RAD54L2: variants seen among roughly 807,000 people sequenced by gnomAD.
RAD54L2 encodes helicase ARIP4.
In RAD54L2, 27 loss-of-function variants were observed where a neutral mutation model predicts 138.4. That is an observed-to-expected ratio of 0.20 (90% CI 0.14 to 0.27). The LOEUF is 0.27. Ranked by LOEUF, RAD54L2 falls within the 10% of genes least tolerant of loss-of-function variation. RAD54L2 has a pLI of 1.00. For synonymous variants in RAD54L2, 644 were observed against 723.2 expected (o/e 0.89, Z 1.76); for missense variants, 1,396 against 1,890.2 (o/e 0.74, Z 4.85).
chr3:51,630,975 CTTG>C (rs1700825016), intron 7 of RAD54L2, 44 bp downstream of exon 7: 1 of 1,548,176 alleles, frequency 6.5e-7, no homozygotes, highest in African/African-American at 1.4e-5. Context: ...TTTTTGTTTC[CTTG>C]TTGTGAACAT....
chr3:51,581,377 C>T (rs1435331490), intron 2 of RAD54L2, among the ~76,000 whole-genome samples: 3 of 152,112 alleles, frequency 2.0e-5, no homozygotes, highest in Non-Finnish European at 2.9e-5. Flanking sequence ...GGATTACAGG[C>T]GTGAGGCACT....
At chr3:51,560,365 T>TC (rs1488924876) in intron 2 of RAD54L2, among the ~76,000 whole-genome samples, 1 of 149,496 alleles carries the variant, frequency 6.7e-6, no homozygotes, top group Non-Finnish European at 1.5e-5. Context: ...TTTTTTTCTT[T>TC]TTTTTTTTTT....
In RAD54L2 at chr3:51,538,748, G is replaced by A. The variant is rs1385459951; in HGVS notation, c.-284G>A. ...GCGAGCGCCGCCGCCGGTGGAGACC[G>A]ACGCTTGGCCAGAGCCAGCCCGCGG... On this transcript the variant is annotated 5_prime_UTR_variant, in exon 1 of 23. Coordinates refer to ENST00000684192, the MANE Select transcript of RAD54L2 (RefSeq NM_015106.4). 1.3e-5 allele frequency among the ~76,000 whole-genome samples: 2 copies of A among 151,940 alleles called. No homozygotes were observed. Among genetic ancestry groups the A allele is most frequent in the African/African-American group, 4.8e-5 (2 of 41,412 alleles).
At chr3:51,661,330 A>G (rs1701767400) in intron 22 of RAD54L2, among the ~76,000 whole-genome samples, 1 of 152,076 alleles carries the variant, frequency 6.6e-6, no homozygotes. Context: ...TTTTTCACTC[A>G]CCAGTAATAG....
At chr3:51,585,925 G>T (rs1416598886) in intron 2 of RAD54L2, among the ~76,000 whole-genome samples, 2 of 152,064 alleles carry the variant, frequency 1.3e-5, no homozygotes, top group African/African-American at 4.8e-5. Context: ...TGTATTAGAG[G>T]CAGAGCCCCT....
At position 51,635,622 on chromosome 3, in the gene RAD54L2, C is replaced by T; in HGVS notation, c.1172C>T (p.Ala391Val). The change falls in exon 10 of 23, where the codon GCT becomes GTT. Residue 391 changes from alanine (A) to valine (V), a missense_variant. By Grantham distance (64) the Ala-to-Val change is moderately conservative. Transcript: ENST00000684192. The stretch of plus-strand genomic sequence containing the variant: ...ATGGCATCTCGTGCTAAAGTGATGG[C>T]TGATTGGGTGTCAGAGGGTGGCGTG... ...KTMASRAKVM[A>V]DWVSEGGVLL... 6.2e-7 allele frequency: 1 copy of T among 1,612,716 alleles called. No homozygotes were observed. The highest frequency in any genetic ancestry group is 2.2e-5 in the East Asian group (1 of 44,844).
chr3:51,651,364 G>C (rs1438971685), intron 19 of RAD54L2, among the ~76,000 whole-genome samples: 1 of 152,148 alleles, frequency 6.6e-6, no homozygotes, highest in Non-Finnish European at 1.5e-5. Flanking sequence ...GGTACAAAGA[G>C]GAGCTGGTAC....
rs1277001348 is a variant in RAD54L2, at chr3:51,646,478, A to G, written c.3023A>G (p.Asn1008Ser). The G allele has an allele frequency of 2.5e-6, 4 of 1,604,524 alleles. No homozygotes were observed. Among genetic ancestry groups the G allele is most frequent in the Non-Finnish European group, 3.4e-6 (4 of 1,174,590 alleles). Reference sequence around the variant, plus strand: ...AGCATCCCCGCCTTCAGCCAGAGAAACTGGTGAGTTGCTGAAAGGGGAGGG... The same window carrying G: ...AGCATCCCCGCCTTCAGCCAGAGAAGCTGGTGAGTTGCTGAAAGGGGAGGG... ...LTSIPAFSQR[N>S]WQPTLKGDEK... The change falls in exon 19 of 23, where the codon AAC becomes AGC. Residue 1008 changes from asparagine to serine, a missense_variant. Physicochemically the swap from Asn to Ser is conservative, Grantham distance 46 (BLOSUM62 1). Transcript: ENST00000684192.
At chr3:51,594,034 A>G (rs1202449749) in intron 3 of RAD54L2, among the ~76,000 whole-genome samples, 3 of 128,688 alleles carry the variant, frequency 2.3e-5, no homozygotes, top group South Asian at 2.6e-4. Context: ...GACACACTTT[A>G]TCATACTTAA....
At chr3:51,547,501 C>T (rs150071116) in intron 2 of RAD54L2, among the ~76,000 whole-genome samples, 288 of 150,892 alleles carry the variant, frequency 1.9e-3, no homozygotes, top group Non-Finnish European at 3.4e-3. Context: ...CAATAGTAGG[C>T]GGAAATGAAA....
At chr3:51,553,230 A>G (rs894344965) in intron 2 of RAD54L2, among the ~76,000 whole-genome samples, 3 of 152,030 alleles carry the variant, frequency 2.0e-5, no homozygotes, top group African/African-American at 7.3e-5. Flanking sequence ...GGTGCCCACT[A>G]CCACACCCAG....
intron 3 of RAD54L2, among the ~76,000 whole-genome samples, chr3:51,591,301 GT>G (rs1418789492): frequency 2.0e-5 from 3 of 152,194 alleles, no homozygotes; most frequent in Non-Finnish European, 4.4e-5. Flanking sequence ...ATAGGATTTA[GT>G]TGTTTGTAAG....
chr3:51,552,398 G>A (rs1254169565), intron 2 of RAD54L2, among the ~76,000 whole-genome samples: 1 of 151,622 alleles, frequency 6.6e-6, no homozygotes. Context: ...GAGTAGGTGG[G>A]ACTACAGGCA....
intron 3 of RAD54L2, among the ~76,000 whole-genome samples, chr3:51,602,587 T>C (rs1700102196): frequency 6.6e-6 from 1 of 152,206 alleles, no homozygotes; most frequent in Admixed American, 6.5e-5. Flanking sequence ...TGAGTATCAC[T>C]GCCTAAAACA....
At chr3:51,598,549 G>A (rs770960769) in intron 3 of RAD54L2, among the ~76,000 whole-genome samples, 2 of 152,156 alleles carry the variant, frequency 1.3e-5, no homozygotes, top group Non-Finnish European at 2.9e-5. Flanking sequence ...GAGGCCAGGA[G>A]TTCGAGACCA....
At chr3:51,557,370 T>C (rs990420848) in intron 2 of RAD54L2, among the ~76,000 whole-genome samples, 1 of 151,434 alleles carries the variant, frequency 6.6e-6, no homozygotes, top group Non-Finnish European at 1.5e-5. Flanking sequence ...TATGTAGAGA[T>C]GGGGTCTCAC....
At chr3:51,583,579 C>G (rs1231174363) in intron 2 of RAD54L2, among the ~76,000 whole-genome samples, 1 of 150,480 alleles carries the variant, frequency 6.6e-6, no homozygotes, top group African/African-American at 2.4e-5. Flanking sequence ...GCCACCACGC[C>G]CAGCTAATTT....
intron 20 of RAD54L2, 87 bp downstream of exon 20, chr3:51,656,257 G>A: frequency 8.0e-7 from 1 of 1,246,854 alleles, no homozygotes; most frequent in Non-Finnish European, 1.1e-6. Flanking sequence ...AACACCTTTT[G>A]TATTTCTGGC....
intron 3 of RAD54L2, among the ~76,000 whole-genome samples, chr3:51,617,303 G>T (rs1700466805): frequency 6.6e-6 from 1 of 152,116 alleles, no homozygotes; most frequent in Non-Finnish European, 1.5e-5. Context: ...CTGCCAAAGT[G>T]TTTCCCAAAG....
Sources: gnomAD v4.1 joint callset for allele counts (sites outside exome capture counted in the v4.1 genomes callset) on GRCh38, gnomAD v4.1.1 for gene constraint, MANE v1.5 for transcripts, NCBI Gene and HGNC (gene_info 2026-07-23, HGNC 2026-07-21) for gene names.